The following TRIO variants were observed in gnomAD, a reference collection of about 807,000 sequenced individuals.
TRIO encodes triple functional domain protein.
TRIO carries 58 observed loss-of-function variants against 351.9 expected under a neutral mutation model. That is an observed-to-expected ratio of 0.16 (90% CI 0.13 to 0.21). The LOEUF is 0.21. Ranked by LOEUF, TRIO falls within the 10% of genes least tolerant of loss-of-function variation. The pLI is 1.00. For missense variants in TRIO, 3,201 were observed against 4,027.8 expected (o/e 0.79, Z 5.56); for synonymous variants, 1,758 against 1,595.7 (o/e 1.10, Z -2.42).
chr5:14,177,240 A>G (rs1789462471), intron 1 of TRIO, among the ~76,000 whole-genome samples: 1 of 151,744 alleles, frequency 6.6e-6, no homozygotes, highest in Admixed American at 6.5e-5. Flanking sequence ...ACAAGCCACC[A>G]CTTTTAAGTT....
intron 45 of TRIO, 47 bp from the exon 46 acceptor site, chr5:14,482,534 CA>C: frequency 7.5e-7 from 1 of 1,325,582 alleles, no homozygotes; most frequent in Non-Finnish European, 9.9e-7. Flanking sequence ...ACTTAGAAGG[CA>C]ATGTTTTCTT....
intron 48 of TRIO, among the ~76,000 whole-genome samples, chr5:14,489,917 G>A (rs993671923): frequency 6.6e-6 from 1 of 152,192 alleles, no homozygotes; most frequent in African/African-American, 2.4e-5. Context: ...TTTCAGACAA[G>A]TCAAGATGCC....
chr5:14,457,030 G>C (rs1445885519), intron 34 of TRIO, among the ~76,000 whole-genome samples: 1 of 152,104 alleles, frequency 6.6e-6, no homozygotes, highest in African/African-American at 2.4e-5. Context: ...AAGAAAAAAA[G>C]TTTTTTCCCC....
chr5:14,478,535 A>AT (rs371079894), intron 41 of TRIO, among the ~76,000 whole-genome samples: 2,050 of 152,106 alleles, frequency 0.013, 42 homozygotes, highest in African/African-American at 0.039. Context: ...CATTGTCTAC[A>AT]TTTTTTTTCT....
At chr5:14,431,554 T>A (rs1354404806) in intron 34 of TRIO, among the ~76,000 whole-genome samples, 1 of 151,998 alleles carries the variant, frequency 6.6e-6, no homozygotes, top group East Asian at 1.9e-4. Context: ...TTTTCAGGAG[T>A]CTGTAGAATT....
intron 1 of TRIO, among the ~76,000 whole-genome samples, chr5:14,196,959 C>T (rs939419380): frequency 1.3e-5 from 2 of 152,214 alleles, no homozygotes; most frequent in South Asian, 4.1e-4. Context: ...AAATTGATTT[C>T]TTGGTAGACC....
Position 14,268,602 on chromosome 5 carries a change from C to T in TRIO, c.158-2223C>T, listed in dbSNP as rs79938330. Among the ~76,000 whole-genome samples, 367 of 152,278 alleles carry T rather than the reference C, an allele frequency of 2.4e-3. 1 individual carries two copies. The highest frequency in any genetic ancestry group is 8.6e-3 in the African/African-American group (357 of 41,564). On this transcript the variant is annotated intron_variant, in intron 1 of 56. Transcript: ENST00000344204. The stretch of plus-strand genomic sequence containing the variant: ...GGAAGCATGCGTTTTCTCATCTGAG[C>T]AACAGAAGGGGGAATCCTCCCTTCA...
chr5:14,322,064 T>C (rs1276686440), intron 9 of TRIO, among the ~76,000 whole-genome samples: 1 of 152,042 alleles, frequency 6.6e-6, no homozygotes, highest in African/African-American at 2.4e-5. Flanking sequence ...CCCCTGCAAG[T>C]CATGGGTGAG....
At chr5:14,507,297 G>A (rs1757762784) in intron 56 of TRIO, 37 bp downstream of exon 56, 1 of 1,607,668 alleles carries the variant, frequency 6.2e-7, no homozygotes, top group Admixed American at 1.7e-5. Flanking sequence ...GGGGGTCTGA[G>A]CACACCGGCT....
chr5:14,232,562 C>T (rs1411195730), intron 1 of TRIO, among the ~76,000 whole-genome samples: 1 of 152,132 alleles, frequency 6.6e-6, no homozygotes, highest in Non-Finnish European at 1.5e-5. Flanking sequence ...GCACATGACA[C>T]CTGGTGGATG....
rs116006738 is a variant in TRIO at position 14,147,452 on chromosome 5, G to A, written c.157+3570G>A. Among the ~76,000 whole-genome samples, 847 of 152,288 alleles carry A rather than the reference G, an allele frequency of 5.6e-3. 7 individuals carry two copies. The highest frequency in any genetic ancestry group is 0.019 in the African/African-American group (800 of 41,546). On this transcript the variant is annotated intron_variant, in intron 1 of 56. Coordinates refer to ENST00000344204, the MANE Select transcript of TRIO (RefSeq NM_007118.4). ...GAGCTCCCTATTTAACCTTGTGAGAGCGTGTGTGTGTGGTGGAGGTGCTTA... is the reference window on the plus strand; with the variant it reads ...GAGCTCCCTATTTAACCTTGTGAGAACGTGTGTGTGTGGTGGAGGTGCTTA...
chr5:14,398,173 A>T (rs2152372981), intron 29 of TRIO, among the ~76,000 whole-genome samples: 1 of 152,232 alleles, frequency 6.6e-6, no homozygotes, highest in East Asian at 1.9e-4. Context: ...GTAAAAAGAG[A>T]GTGGAAGTCA....
In TRIO at chr5:14,186,773, T is replaced by C. The variant is rs377044558; in HGVS notation, c.157+42891T>C. ...TTGTATTTTTAGTAGAGATGAGGTT[T>C]CACCATGTTGGCCAGGCTGGTCTCG... On this transcript the variant is annotated intron_variant, in intron 1 of 56. Coordinates refer to ENST00000344204, the MANE Select transcript of TRIO (RefSeq NM_007118.4). 4.1e-4 allele frequency among the ~76,000 whole-genome samples: 62 copies of C among 152,202 alleles called. 1 individual carries two copies. The South Asian group carries it at 0.012, about 29-fold the overall frequency.
chr5:14,404,626 G>A (rs979156048), intron 31 of TRIO, among the ~76,000 whole-genome samples: 5 of 151,942 alleles, frequency 3.3e-5, no homozygotes, highest in African/African-American at 4.8e-5. Context: ...TTCTTCTCCC[G>A]AGTCCCTTAC....
At chr5:14,488,359 C>CGG in intron 48 of TRIO, 99 bp downstream of exon 48, 1 of 1,458,592 alleles carries the variant, frequency 6.9e-7, no homozygotes, top group South Asian at 1.4e-5. Context: ...GGCTGCCCAG[C>CGG]GCTCTCCGCC....
intron 1 of TRIO, among the ~76,000 whole-genome samples, chr5:14,209,289 T>C (rs1791734505): frequency 6.6e-6 from 1 of 152,198 alleles, no homozygotes; most frequent in Admixed American, 6.5e-5. Context: ...GTGAACATCC[T>C]TTATGTCAGG....
intron 8 of TRIO, among the ~76,000 whole-genome samples, chr5:14,315,088 G>A (rs1739264368): frequency 6.6e-6 from 1 of 152,140 alleles, no homozygotes; most frequent in Admixed American, 6.6e-5. Context: ...ATTAAAGGAA[G>A]CGATTAGGAA....
intron 2 of TRIO, among the ~76,000 whole-genome samples, chr5:14,271,554 C>T (rs909017629): frequency 6.6e-6 from 1 of 152,204 alleles, no homozygotes; most frequent in African/African-American, 2.4e-5. Flanking sequence ...CCGTTTTGGA[C>T]TGTCTTCTTG....
In TRIO at chr5:14,472,595, C is replaced by T. The variant is rs376206672; in HGVS notation, c.5916C>T (p.Tyr1972=). 81 of 1,614,010 alleles carry T rather than the reference C, an allele frequency of 5.0e-5. No individual in the cohort carries two copies. In the South Asian group the frequency reaches 5.5e-4, roughly 11 times the overall value. ...AAACAATATTTTTTCTCTCCAGCTA[C>T]GTTTTGCAAGAACTAGTGGAGACAG... ...RKSSSLKRRH[Y]VLQELVETER... is the part of the protein sequence containing the mutation. The change falls in exon 39 of 57, where the codon TAC becomes TAT. Residue 1972 remains tyrosine, a synonymous_variant. Transcript: ENST00000344204.
Sources: allele counts gnomAD v4.1 joint callset (sites outside exome capture counted in the v4.1 genomes callset), GRCh38; gene constraint gnomAD v4.1.1; transcripts MANE v1.5; gene names NCBI Gene and HGNC (gene_info 2026-07-23, HGNC 2026-07-21).